The following GREB1 variants were observed in gnomAD, a reference collection of about 807,000 sequenced individuals.
GREB1 encodes growth regulating estrogen receptor binding 1.
In GREB1, 106 loss-of-function variants were observed where a neutral mutation model predicts 200.7. The ratio of observed to expected loss-of-function variants is 0.53; its 90% confidence interval spans 0.45 to 0.62. GREB1 has a LOEUF of 0.62. GREB1 is among the 20% of genes least tolerant of loss of function. The pLI, the probability that GREB1 is intolerant of heterozygous loss-of-function variation, is 0.00. For synonymous variants in GREB1, 1,132 were observed against 1,092.4 expected, an observed-to-expected ratio of 1.04 and a Z score of -0.72; for missense variants, 2,243 against 2,556.8, an observed-to-expected ratio of 0.88 and a Z score of 2.65.
At chr2:11,520,435 C>T (rs1015468304) in intron 1 of GREB1, among the ~76,000 whole-genome samples, 11 of 152,118 alleles carry the variant, frequency 7.2e-5, no homozygotes, top group African/African-American at 2.7e-4. Flanking sequence ...AATCTGTTTC[C>T]TTATTTGGGT....
chr2:11,593,128 T>A lies in GREB1; in HGVS notation c.1696+2T>A. The A allele has an allele frequency of 6.3e-7, 1 of 1,592,320 alleles. No individual in the cohort carries two copies. The highest frequency in any genetic ancestry group is 1.1e-5 in the South Asian group (1 of 88,374). Reference sequence around the variant, plus strand: ...TCGACTCCTGCATCGCCGTCACCGGTGAGCTCTGGGCCGCGCGGCTGCGGG... The same window carrying A: ...TCGACTCCTGCATCGCCGTCACCGGAGAGCTCTGGGCCGCGCGGCTGCGGG... On this transcript the variant is annotated splice_donor_variant, in intron 11 of 32. Coordinates refer to ENST00000381486, the MANE Select transcript of GREB1 (RefSeq NM_014668.4). LOFTEE classifies it high-confidence loss of function.
chr2:11,577,738 C>G (rs1047560261), intron 5 of GREB1, among the ~76,000 whole-genome samples: 2 of 152,198 alleles, frequency 1.3e-5, no homozygotes, highest in African/African-American at 4.8e-5. Flanking sequence ...CCCCCTCACA[C>G]CCGACTCTTC....
chr2:11,615,674 G>T (rs1683340241), intron 20 of GREB1, among the ~76,000 whole-genome samples: 1 of 152,190 alleles, frequency 6.6e-6, no homozygotes, highest in African/African-American at 2.4e-5. Context: ...TGATTTGCTT[G>T]TTTATTTCCT....
rs1458427072 is a variant in GREB1 at position 11,597,092 on chromosome 2, G to A, written c.1955-689G>A. On this transcript the variant is annotated intron_variant, in intron 13 of 32. Transcript: ENST00000381486. This position sits in a 1 kb window ranked among gnomAD's most constrained non-coding sequence, Gnocchi z 4.1. The stretch of plus-strand genomic sequence containing the variant: ...ACAGGTGTGCTAAGTGGGTGCTGAG[G>A]GGACAGAGGGCTCATGTGTGCTCGG... Among the ~76,000 whole-genome samples, 3 of 152,014 alleles carry A rather than the reference G, an allele frequency of 2.0e-5. No homozygotes were observed. The highest frequency in any genetic ancestry group is 4.4e-5 in the Non-Finnish European group (3 of 67,952).
chr2:11,539,044 T>C (rs897695173), intron 1 of GREB1, among the ~76,000 whole-genome samples: 3 of 127,436 alleles, frequency 2.4e-5, no homozygotes, highest in African/African-American at 7.3e-5. Flanking sequence ...TTCTCTTCTC[T>C]TCTCTTCTCT....
At position 11,588,925 on chromosome 2, in the gene GREB1, C is replaced by T. The variant is rs1399811570; in HGVS notation, c.1339C>T (p.Gln447Ter). 2 of 1,613,742 alleles carry T rather than the reference C, an allele frequency of 1.2e-6. No individual in the cohort carries two copies. Among genetic ancestry groups the T allele is most frequent in the Non-Finnish European group, 1.7e-6 (2 of 1,179,718 alleles). ...CCTGCTTACCGTCTACTACCTGGTC[C>T]AGCTGGGTGAGTCACCTCCACCTCC... The part of the protein sequence containing the change: ...QLLLTVYYLV[Q>*]LAADQVPLME... The change falls in exon 10 of 33, where the codon CAG (glutamine) becomes TAG (stop). Residue 447 changes from glutamine to a stop codon, truncating the protein, a stop_gained. Coordinates refer to ENST00000381486, the MANE Select transcript of GREB1 (RefSeq NM_014668.4). LOFTEE classifies it high-confidence loss of function.
At chr2:11,559,180 CTGAGTTCCTG>C (rs1015335952) in intron 2 of GREB1, among the ~76,000 whole-genome samples, 3 of 152,158 alleles carry the variant, frequency 2.0e-5, no homozygotes, top group African/African-American at 7.2e-5. Flanking sequence ...CTCCAGGCCC[CTGAGTTCCTG>C]TGTTTTGTTA....
intron 4 of GREB1, among the ~76,000 whole-genome samples, chr2:11,567,319 T>G (rs187846611): frequency 3.2e-4 from 48 of 152,270 alleles, no homozygotes; most frequent in Middle Eastern, 3.4e-3. Context: ...GAGATGGGGT[T>G]TCACCATGTT....
chr2:11,547,420 G>T (rs140216276), intron 1 of GREB1, among the ~76,000 whole-genome samples: 1 of 152,144 alleles, frequency 6.6e-6, no homozygotes, highest in Non-Finnish European at 1.5e-5. Flanking sequence ...TAGAAGACAG[G>T]GTTGTTGGCA....
At position 11,492,613 on chromosome 2, in the gene GREB1, A is replaced by G. The variant is rs62120183; in HGVS notation, c.-159+10232A>G. On this transcript the variant is annotated intron_variant, in intron 1 of 2. Transcript: ENST00000628795. This position sits in a 1 kb window ranked among gnomAD's most constrained non-coding sequence, Gnocchi z 4.0. ...ACTCACTGGGGCCTGTGAGTGCATG[A>G]ATGGGGGTGGGGACAGTGGGAATCA... Among the ~76,000 whole-genome samples, 12,062 of 152,188 alleles carry G rather than the reference A, an allele frequency of 0.079. 677 individuals carry two copies. The highest frequency in any genetic ancestry group is 0.12 in the Non-Finnish European group (7,869 of 67,992).
rs200678236 is a variant in GREB1, at chr2:11,636,393, CATA to C, written c.5346+991_5346+993del. On this transcript the variant is annotated intron_variant, in intron 30 of 32. Coordinates refer to ENST00000381486, the MANE Select transcript of GREB1 (RefSeq NM_014668.4). ...AGGTATTTTATCTTTATTATTGAAACATAATCTTAATTTTCTATTATGTTTGAT... is the reference window on the plus strand; with the variant it reads ...AGGTATTTTATCTTTATTATTGAAACATCTTAATTTTCTATTATGTTTGAT... Among the ~76,000 whole-genome samples, 900 of 152,318 alleles carry C rather than the reference CATA, an allele frequency of 5.9e-3. 9 individuals are homozygous for C. Among genetic ancestry groups the C allele is most frequent in the African/African-American group, 0.021 (872 of 41,554 alleles).
chr2:11,605,219 G>C (rs549031279), intron 17 of GREB1, among the ~76,000 whole-genome samples: 3 of 126,020 alleles, frequency 2.4e-5, no homozygotes, highest in Non-Finnish European at 4.9e-5. Flanking sequence ...CCAGTAGACC[G>C]TATATCTTTT....
chr2:11,579,402 G>A (rs1476956176), intron 6 of GREB1, among the ~76,000 whole-genome samples: 1 of 152,202 alleles, frequency 6.6e-6, no homozygotes, highest in Admixed American at 6.5e-5. Context: ...GTAAAGTTGG[G>A]CAAATCTCTT....
upstream of GREB1, among the ~76,000 whole-genome samples, chr2:11,531,752 G>T (rs1674082258): frequency 6.6e-6 from 1 of 152,092 alleles, no homozygotes; most frequent in Admixed American, 6.6e-5. Context: ...TGTATTTTTA[G>T]TAGGGACAGG....
chr2:11,528,350 T>C (rs749080222), intron 1 of GREB1, among the ~76,000 whole-genome samples: 57 of 152,246 alleles, frequency 3.7e-4, no homozygotes, highest in Non-Finnish European at 7.2e-4. Flanking sequence ...AATACCCTCG[T>C]TGAAAGTAGC....
chr2:11,572,557 G>A (rs1207613512), intron 4 of GREB1, among the ~76,000 whole-genome samples: 3 of 152,066 alleles, frequency 2.0e-5, no homozygotes, highest in Admixed American at 2.0e-4. Context: ...TTGATGGTTG[G>A]AACATGGAAA....
rs1336170957 is a variant in GREB1, at chr2:11,641,744, C to T, written c.*1290C>T. On this transcript the variant is annotated 3_prime_UTR_variant, in exon 33 of 33. Coordinates refer to ENST00000381486, the MANE Select transcript of GREB1 (RefSeq NM_014668.4). ...CTCGTGATCCGCCCGCCTCGGCCTC[C>T]CAAAGTGCTGGGATTACAGGCGTGA... 6.6e-6 allele frequency: 1 copy of T among 152,236 alleles called. No individual in the cohort carries two copies. The highest frequency in any genetic ancestry group is 1.5e-5 in the Non-Finnish European group (1 of 68,070). The allele number at this position is 152,236 out of a possible 1,614,324, so 9.4% of individuals were successfully genotyped here. A position where few individuals can be genotyped will look rare whatever the true frequency, so the allele number is the denominator to read the frequency against.
rs781635147 is a variant in GREB1, at chr2:11,630,007, C to A, written c.4509C>A (p.Ile1503=). The change falls in exon 26 of 33, where the codon ATC becomes ATA. Residue 1503 remains isoleucine, a synonymous_variant. Coordinates refer to ENST00000381486, the MANE Select transcript of GREB1 (RefSeq NM_014668.4). ...AFSYSMLGEE[I]QLHFIIPKSK... is the part of the protein sequence containing the mutation. ...CTTACTCCATGCTAGGAGAGGAGAT[C>A]CAGCTGCACTTCATCATCCCCAAGT... 6.8e-6 allele frequency: 11 copies of A among 1,614,188 alleles called. No individual in the cohort carries two copies. The highest frequency in any genetic ancestry group is 9.3e-6 in the Non-Finnish European group (11 of 1,179,996).
At chr2:11,483,016 G>A (rs1318740749) in intron 1 of GREB1, among the ~76,000 whole-genome samples, 1 of 151,484 alleles carries the variant, frequency 6.6e-6, no homozygotes, top group East Asian at 1.9e-4. Flanking sequence ...GCGGGGCTGT[G>A]CGGGGCTGCT....
Sources: allele counts gnomAD v4.1 joint callset (sites outside exome capture counted in the v4.1 genomes callset), GRCh38; gene constraint gnomAD v4.1.1; non-coding constraint Gnocchi (gnomAD v3.1); transcripts MANE v1.5; gene names NCBI Gene and HGNC (gene_info 2026-07-23, HGNC 2026-07-21).